Variants in CTNNA3 observed in about 807,000 individuals in gnomAD.
The protein encoded by CTNNA3 is catenin alpha-3.
CTNNA3 carries 76 observed loss-of-function variants against 95.7 expected under a neutral mutation model. That is an observed-to-expected ratio of 0.79 (90% CI 0.66 to 0.96). The LOEUF is 0.96. Among genes scored for constraint, CTNNA3 ranks in the 40% least tolerant of loss-of-function variants. The pLI is 0.00. For synonymous variants in CTNNA3, 431 were observed against 374.4 expected (o/e 1.15, Z -1.74); for missense variants, 1,191 against 1,089.8 (o/e 1.09, Z -1.31).
intron 7 of CTNNA3, among the ~76,000 whole-genome samples, chr10:66,996,047 T>C (rs531496004): frequency 2.0e-5 from 3 of 152,346 alleles, no homozygotes; most frequent in East Asian, 3.9e-4. Context: ...TTTTACCTAC[T>C]TATTTACATA....
intron 12 of CTNNA3, among the ~76,000 whole-genome samples, chr10:66,354,314 T>TAA (rs71466865): frequency 0.53 from 76,838 of 146,292 alleles, 21,595 homozygotes; most frequent in Non-Finnish European, 0.64. Context: ...CTATGAACAC[T>TAA]AAAAAAAAAA....
At chr10:66,261,081 G>A (rs1462437229) in intron 13 of CTNNA3, among the ~76,000 whole-genome samples, 2 of 152,070 alleles carry the variant, frequency 1.3e-5, no homozygotes, top group South Asian at 2.1e-4. Context: ...GGTAAAATGA[G>A]AGAATGTATG....
intron 10 of CTNNA3, among the ~76,000 whole-genome samples, chr10:66,537,751 G>C (rs1371272812): frequency 6.6e-6 from 1 of 151,674 alleles, no homozygotes; most frequent in Admixed American, 6.6e-5. Flanking sequence ...TTGAGACCAG[G>C]ATTTGAGACC....
intron 13 of CTNNA3, among the ~76,000 whole-genome samples, chr10:66,135,839 A>G (rs1313906111): frequency 6.6e-6 from 1 of 152,230 alleles, no homozygotes; most frequent in Admixed American, 6.5e-5. Flanking sequence ...AAACACATGC[A>G]TATAAAAAGG....
At chr10:67,758,323 T>TATATACACAC (rs71468879) in intron 1 of CTNNA3, among the ~76,000 whole-genome samples, 4 of 143,318 alleles carry the variant, frequency 2.8e-5, no homozygotes, top group African/African-American at 7.7e-5. Context: ...TAAATATATA[T>TATATACACAC]ACACACACAC....
chr10:67,066,214 A>ATTT (rs1856071258), intron 7 of CTNNA3, among the ~76,000 whole-genome samples: 1 of 30,894 alleles, frequency 3.2e-5, no homozygotes, highest in Non-Finnish European at 5.6e-5. Context: ...TTTTTTTTTG[A>ATTT]GACAGTCTTG....
At chr10:66,530,991 C>T (rs1028339680) in intron 10 of CTNNA3, among the ~76,000 whole-genome samples, 2 of 151,948 alleles carry the variant, frequency 1.3e-5, no homozygotes, top group East Asian at 3.9e-4. Context: ...AGGACTATTT[C>T]GGTTATGGAA....
At chr10:66,529,165 A>G (rs1472678603) in intron 10 of CTNNA3, among the ~76,000 whole-genome samples, 1 of 152,040 alleles carries the variant, frequency 6.6e-6, no homozygotes, top group Non-Finnish European at 1.5e-5. Context: ...TTTTGCTCTT[A>G]TCAAGCAGAC....
chr10:66,121,924 G>A (rs1480472905), intron 13 of CTNNA3, among the ~76,000 whole-genome samples: 1 of 152,148 alleles, frequency 6.6e-6, no homozygotes, highest in Non-Finnish European at 1.5e-5. Context: ...TGGTACAAAA[G>A]ATGTTCATGG....
intron 4 of CTNNA3, among the ~76,000 whole-genome samples, chr10:67,536,788 A>T (rs962775976): frequency 6.6e-6 from 1 of 152,166 alleles, no homozygotes; most frequent in African/African-American, 2.4e-5. Context: ...TGCAGCATTG[A>T]TCATTACAAA....
chr10:66,289,726 T>G (rs1300962253), intron 12 of CTNNA3, among the ~76,000 whole-genome samples: 2 of 152,068 alleles, frequency 1.3e-5, no homozygotes, highest in East Asian at 3.9e-4. Context: ...TTTCCACATG[T>G]TGGTTTACAG....
At chr10:67,342,407 G>A (rs1033546335) in intron 5 of CTNNA3, among the ~76,000 whole-genome samples, 4 of 151,912 alleles carry the variant, frequency 2.6e-5, no homozygotes, top group Non-Finnish European at 5.9e-5. Flanking sequence ...CGGCCTGTTG[G>A]TTGTATCTTT....
At chr10:67,219,578 G>A (rs760971875) in intron 6 of CTNNA3, 29 bp downstream of exon 6, 2 of 1,597,010 alleles carry the variant, frequency 1.3e-6, no homozygotes, top group East Asian at 4.5e-5. Context: ...TAGGACATCA[G>A]ATCACACTTT....
intron 7 of CTNNA3, among the ~76,000 whole-genome samples, chr10:67,025,622 T>A (rs1424184871): frequency 1.3e-5 from 2 of 152,182 alleles, no homozygotes. Context: ...GGAAGAATAT[T>A]TTTAAAATCT....
chr10:66,455,114 A>G (rs2093487602), intron 11 of CTNNA3, among the ~76,000 whole-genome samples: 1 of 152,130 alleles, frequency 6.6e-6, no homozygotes, highest in Non-Finnish European at 1.5e-5. Flanking sequence ...AACATCCTCA[A>G]CCTGGTGAAG....
chr10:67,503,955 A>G (rs1197651393), intron 5 of CTNNA3, among the ~76,000 whole-genome samples: 1 of 152,058 alleles, frequency 6.6e-6, no homozygotes, highest in East Asian at 1.9e-4. Context: ...CAGGAGATCA[A>G]GACCATCCTG....
At chr10:67,241,944 A>T (rs1358213533) in intron 5 of CTNNA3, among the ~76,000 whole-genome samples, 1 of 152,282 alleles carries the variant, frequency 6.6e-6, no homozygotes, top group Non-Finnish European at 1.5e-5. Flanking sequence ...CACTAGGAAT[A>T]GGATCCAAGA....
Position 66,888,482 on chromosome 10 carries a change from C to T in CTNNA3, c.1048-112958G>A, listed in dbSNP as rs572211917. On this transcript the variant is annotated intron_variant, in intron 7 of 17. Coordinates refer to ENST00000433211, the MANE Select transcript of CTNNA3 (RefSeq NM_013266.4). ...GGTAATTTGTTATAGCAACAAGATACACCTAGATGACTAAGCTATACAGGT... is the reference window on the plus strand; with the variant it reads ...GGTAATTTGTTATAGCAACAAGATATACCTAGATGACTAAGCTATACAGGT... Among the ~76,000 whole-genome samples the T allele has an allele frequency of 3.2e-4, 48 of 151,990 alleles. No homozygotes were observed. The South Asian group carries it at 1.0e-2, about 32-fold the overall frequency.
intron 11 of CTNNA3, among the ~76,000 whole-genome samples, chr10:66,411,893 C>A (rs1427939618): frequency 3.3e-5 from 5 of 151,992 alleles, no homozygotes; most frequent in Admixed American, 3.3e-4. Flanking sequence ...AGAAGGTGAC[C>A]CACTGAGCCC....
Sources: gnomAD v4.1 joint callset for allele counts (sites outside exome capture counted in the v4.1 genomes callset) on GRCh38, gnomAD v4.1.1 for gene constraint, MANE v1.5 for transcripts, NCBI Gene and HGNC (gene_info 2026-07-23, HGNC 2026-07-21) for gene names.